MARCHF1: variants seen among roughly 807,000 people sequenced by gnomAD.
MARCHF1 encodes membrane associated ring-CH-type finger 1.
A neutral mutation model predicts 54.2 loss-of-function variants in MARCHF1; 40 were observed. That is an observed-to-expected ratio of 0.74 (90% CI 0.57 to 0.96). The LOEUF is 0.96. Among genes scored for constraint, MARCHF1 ranks in the 40% least tolerant of loss-of-function variants. MARCHF1 has a pLI of 0.00. For synonymous variants in MARCHF1, 236 were observed against 236.3 expected (o/e 1.00, Z 0.01); for missense variants, 586 against 656.5 (o/e 0.89, Z 1.17).
At chr4:164,341,820 A>G (rs897671433) in intron 1 of MARCHF1, among the ~76,000 whole-genome samples, 6 of 152,212 alleles carry the variant, frequency 3.9e-5, no homozygotes, top group Non-Finnish European at 8.8e-5. Flanking sequence ...CATTCAGACT[A>G]TAGCACCTGT....
intron 3 of MARCHF1, among the ~76,000 whole-genome samples, chr4:163,888,990 C>A (rs538697417): frequency 6.6e-6 from 1 of 151,924 alleles, no homozygotes; most frequent in Non-Finnish European, 1.5e-5. Flanking sequence ...TAAATTATAT[C>A]GATTATTATT....
intron 4 of MARCHF1, among the ~76,000 whole-genome samples, chr4:163,746,185 T>A (rs145785514): frequency 6.6e-6 from 1 of 152,356 alleles, no homozygotes; most frequent in Admixed American, 6.5e-5. Flanking sequence ...TTCCTCTTAA[T>A]CCCTGGACAC....
intron 5 of MARCHF1, among the ~76,000 whole-genome samples, chr4:163,633,140 TGG>T (rs982598778): frequency 6.6e-6 from 1 of 151,768 alleles, no homozygotes; most frequent in African/African-American, 2.4e-5. Context: ...ACCACAAAGA[TGG>T]GGAAAAAACA....
At chr4:163,999,568 T>C (rs1459464370) in intron 2 of MARCHF1, among the ~76,000 whole-genome samples, 2 of 151,522 alleles carry the variant, frequency 1.3e-5, no homozygotes, top group African/African-American at 2.4e-5. Flanking sequence ...ATAAGAGTTA[T>C]AAAAAAGCCA....
chr4:164,189,489 G>A, intron 1 of MARCHF1: 1 of 725,526 alleles, frequency 1.4e-6, no homozygotes, highest in Non-Finnish European at 2.5e-6. Flanking sequence ...CAAAGATTCA[G>A]CAACTGGTTA....
At chr4:163,613,280 GA>G (rs757813853) in intron 6 of MARCHF1, 33 bp downstream of exon 6, 1 of 1,567,086 alleles carries the variant, frequency 6.4e-7, no homozygotes, top group Non-Finnish European at 8.6e-7. Flanking sequence ...TTGATCCAAA[GA>G]ATATAGATTA....
intron 2 of MARCHF1, among the ~76,000 whole-genome samples, chr4:164,038,320 T>C (rs1754052372): frequency 6.6e-6 from 1 of 152,018 alleles, no homozygotes; most frequent in African/African-American, 2.4e-5. Context: ...GGTGAAATCC[T>C]GTCTCTACTA....
chr4:163,914,160 G>A (rs1014279357), intron 3 of MARCHF1, among the ~76,000 whole-genome samples: 1 of 151,896 alleles, frequency 6.6e-6, no homozygotes, highest in Admixed American at 6.6e-5. Flanking sequence ...TTTGTACCTT[G>A]TACAAAGTAC....
In MARCHF1 at chr4:164,229,756, T is replaced by C. The variant is rs538568860; in HGVS notation, c.-322-118094A>G. 3.1e-3 allele frequency among the ~76,000 whole-genome samples: 474 copies of C among 152,208 alleles called. 1 individual carries two copies. The highest frequency in any genetic ancestry group is 0.011 in the African/African-American group (451 of 41,532). On this transcript the variant is annotated intron_variant, in intron 1 of 9. Coordinates refer to ENST00000514618, the MANE Select transcript of MARCHF1 (RefSeq NM_001394959.1). ...GCGAAGGGGGAGTACAGACTTCACA[T>C]GGCCCGAGTAAGAGCAAGAAAGAGA...
At chr4:163,722,044 A>G (rs111804257) in intron 4 of MARCHF1, among the ~76,000 whole-genome samples, 2,349 of 151,896 alleles carry the variant, frequency 0.015, 77 homozygotes, top group African/African-American at 0.053. Flanking sequence ...TTCTTCTCTA[A>G]TCTTAGTTAT....
chr4:164,177,497 T>C lies in MARCHF1; in HGVS notation c.-322-65835A>G, dbSNP rs971605636. Among the ~76,000 whole-genome samples, 46 of 134,262 alleles carry C rather than the reference T, an allele frequency of 3.4e-4. 1 individual carries two copies. Among genetic ancestry groups the C allele is most frequent in the Admixed American group, 3.3e-3 (43 of 12,854 alleles). 88.1% of individuals were successfully genotyped at this position (134,262 alleles called of 152,430 possible). On this transcript the variant is annotated intron_variant, in intron 1 of 9. Transcript: ENST00000514618. The stretch of plus-strand genomic sequence containing the variant: ...GGAATGAAGTCAATGTCATCTACTC[T>C]TTCAGAGACTCAATATAGATTTTTT...
At chr4:164,206,473 A>G (rs942624292) in intron 1 of MARCHF1, among the ~76,000 whole-genome samples, 1 of 152,140 alleles carries the variant, frequency 6.6e-6, no homozygotes, top group African/African-American at 2.4e-5. Flanking sequence ...TAATACACAA[A>G]CCAAACTAAA....
At chr4:163,675,467 A>T (rs985209531) in intron 5 of MARCHF1, among the ~76,000 whole-genome samples, 18 of 152,224 alleles carry the variant, frequency 1.2e-4, no homozygotes, top group African/African-American at 4.3e-4. Flanking sequence ...GAGGAGAGAG[A>T]GAGTGAAAGA....
chr4:163,533,707 T>A (rs1738438318), intron 9 of MARCHF1, among the ~76,000 whole-genome samples: 1 of 145,642 alleles, frequency 6.9e-6, no homozygotes, highest in African/African-American at 2.6e-5. Context: ...TTATATATAT[T>A]AGCTCCTTAC....
intron 2 of MARCHF1, among the ~76,000 whole-genome samples, chr4:164,000,374 T>C (rs561841049): frequency 1.4e-4 from 22 of 151,872 alleles, no homozygotes; most frequent in Non-Finnish European, 1.9e-4. Flanking sequence ...TAACAGATGG[T>C]AGTTGCCAGG....
intron 4 of MARCHF1, among the ~76,000 whole-genome samples, chr4:163,752,795 A>G (rs1264567895): frequency 6.6e-6 from 1 of 152,190 alleles, no homozygotes; most frequent in Non-Finnish European, 1.5e-5. Context: ...ATAGAATCCA[A>G]ATTCATAGCT....
At position 164,233,097 on chromosome 4, in the gene MARCHF1, G is replaced by A. The variant is rs1579644023; in HGVS notation, c.-322-121435C>T. Among the ~76,000 whole-genome samples the A allele has an allele frequency of 3.9e-5, 6 of 152,124 alleles. No individual in the cohort carries two copies. The South Asian group carries it at 1.0e-3, about 26-fold the overall frequency. ...TTAAGCATCTAAAGTAATACTTTTG[G>A]ACTCAGAATTATAACACAGGATTTG... On this transcript the variant is annotated intron_variant, in intron 1 of 9. Coordinates refer to ENST00000514618, the MANE Select transcript of MARCHF1 (RefSeq NM_001394959.1).
intron 2 of MARCHF1, among the ~76,000 whole-genome samples, chr4:164,081,001 G>A (rs904319695): frequency 2.7e-5 from 4 of 150,340 alleles, no homozygotes; most frequent in African/African-American, 9.8e-5. Flanking sequence ...GAGGTCAGGA[G>A]ATCGAGACCA....
intron 1 of MARCHF1, among the ~76,000 whole-genome samples, chr4:164,177,574 G>A (rs1039276890): frequency 2.6e-5 from 4 of 151,866 alleles, no homozygotes; most frequent in Non-Finnish European, 5.9e-5. Context: ...CCTCTAACAA[G>A]GTAGGTTTTT....
Sources: gnomAD v4.1 joint callset for allele counts (sites outside exome capture counted in the v4.1 genomes callset) on GRCh38, gnomAD v4.1.1 for gene constraint, MANE v1.5 for transcripts, NCBI Gene and HGNC (gene_info 2026-07-23, HGNC 2026-07-21) for gene names.